The following SEPTIN14 variants were observed in gnomAD, a reference collection of about 807,000 sequenced individuals.
The protein encoded by SEPTIN14 is septin-14.
A neutral mutation model predicts 53.6 loss-of-function variants in SEPTIN14; 40 were observed. The observed-to-expected ratio is 0.75, with a 90% CI of 0.58 to 0.97. The LOEUF is 0.97. Ranked by LOEUF, SEPTIN14 falls within the 50% of genes least tolerant of loss-of-function variation. The probability of loss-of-function intolerance (pLI) is 0.00; values close to 1 mark genes in which losing one functional copy is unlikely to be tolerated. For synonymous variants in SEPTIN14, 138 were observed against 166.8 expected, an observed-to-expected ratio of 0.83 and a Z score of 1.33; for missense variants, 471 against 508.2, an observed-to-expected ratio of 0.93 and a Z score of 0.70.
At chr7:55,807,457 A>G (rs1385853108) in intron 7 of SEPTIN14, among the ~76,000 whole-genome samples, 199 bp from the exon 8 acceptor site, 1 of 152,224 alleles carries the variant, frequency 6.6e-6, no homozygotes, top group East Asian at 1.9e-4. Flanking sequence ...GATTATTTAT[A>G]GGTTAGCAAA....
chr7:55,811,430 C>T (rs1364056415), intron 7 of SEPTIN14: 5 of 412,020 alleles, frequency 1.2e-5, no homozygotes, highest in Non-Finnish European at 2.4e-5. Context: ...GTGGAGGCTG[C>T]AGGGAGCGAT....
chr7:55,843,693 G>A (rs1193274636), intron 4 of SEPTIN14, among the ~76,000 whole-genome samples: 1 of 152,192 alleles, frequency 6.6e-6, no homozygotes, highest in African/African-American at 2.4e-5. Context: ...TTATCTGGGT[G>A]TGGTGGCAGG....
At chr7:55,848,448 C>T (rs965897355) in intron 2 of SEPTIN14, among the ~76,000 whole-genome samples, 8 of 151,850 alleles carry the variant, frequency 5.3e-5, no homozygotes, top group Non-Finnish European at 1.0e-4. Context: ...AGGTGTGATC[C>T]ACTGCACCTG....
At chr7:55,842,887 G>A (rs1358216110) in intron 5 of SEPTIN14, 55 bp downstream of exon 5, 35 of 1,201,928 alleles carry the variant, frequency 2.9e-5, no homozygotes, top group Non-Finnish European at 3.7e-5. Flanking sequence ...CAGCCTGGGC[G>A]ACAGAGGGAG....
intron 2 of SEPTIN14, among the ~76,000 whole-genome samples, chr7:55,848,385 C>T (rs954691004): frequency 2.6e-5 from 4 of 152,122 alleles, no homozygotes; most frequent in Admixed American, 2.6e-4. Flanking sequence ...TGGTCTCGAA[C>T]TCCTGACCTC....
At chr7:55,824,415 G>T (rs796468069) in intron 6 of SEPTIN14, among the ~76,000 whole-genome samples, 4 of 152,200 alleles carry the variant, frequency 2.6e-5, no homozygotes, top group African/African-American at 9.6e-5. Flanking sequence ...TCAGGGAATT[G>T]CAAATTAAAA....
intron 2 of SEPTIN14, among the ~76,000 whole-genome samples, chr7:55,855,526 A>G (rs768471817): frequency 1.4e-4 from 21 of 152,118 alleles, no homozygotes; most frequent in Non-Finnish European, 2.5e-4. Flanking sequence ...TGAGCCATAA[A>G]GAGGAATCAT....
chr7:55,861,200 A>G (rs1431756091), intron 2 of SEPTIN14, among the ~76,000 whole-genome samples: 1 of 152,238 alleles, frequency 6.6e-6, no homozygotes, highest in East Asian at 1.9e-4. Flanking sequence ...ATGGTTATTC[A>G]TGAAAAGCAA....
At chr7:55,829,560 T>C (rs1049624650) in intron 6 of SEPTIN14, among the ~76,000 whole-genome samples, 3 of 151,960 alleles carry the variant, frequency 2.0e-5, no homozygotes, top group Admixed American at 1.3e-4. Context: ...TCTCTATGCA[T>C]ACAAACTAGA....
chr7:55,827,106 T>C lies in SEPTIN14; in HGVS notation c.720+7319A>G, dbSNP rs956477753. Among the ~76,000 whole-genome samples, 10 of 152,266 alleles carry C rather than the reference T, an allele frequency of 6.6e-5. No homozygotes were observed. The East Asian group carries it at 1.5e-3, about 24-fold the overall frequency. On this transcript the variant is annotated intron_variant, in intron 6 of 9. Coordinates refer to ENST00000388975, the MANE Select transcript of SEPTIN14 (RefSeq NM_207366.3). ...CTTATGCATGCCATCCAGAGCACCA[T>C]ATAGGGATCTGAGAATCAAGAAAAT...
At chr7:55,811,424 A>T in intron 7 of SEPTIN14, 1 of 422,140 alleles carries the variant, frequency 2.4e-6, no homozygotes, top group Non-Finnish European at 4.8e-6. Flanking sequence ...TGTTGGGTGG[A>T]GGCTGCAGGG....
rs1406825188 is a variant in SEPTIN14 at position 55,794,163 on chromosome 7, T to C, written c.*1750A>G. The C allele has an allele frequency of 3.9e-5, 6 of 152,294 alleles. No individual in the cohort carries two copies. In the East Asian group the frequency reaches 1.2e-3, roughly 29 times the overall value. 9.4% of individuals were successfully genotyped at this position (152,294 alleles called of 1,614,324 possible). On this transcript the variant is annotated 3_prime_UTR_variant, in exon 10 of 10. Coordinates refer to ENST00000388975, the MANE Select transcript of SEPTIN14 (RefSeq NM_207366.3). The stretch of plus-strand genomic sequence containing the variant: ...AATCCTTCTGTGCCCTCAAAAACCC[T>C]ATGGATTATACCATTATTACCTAAA...
At chr7:55,806,228 T>C (rs1444283113) in intron 8 of SEPTIN14, among the ~76,000 whole-genome samples, 1 of 152,074 alleles carries the variant, frequency 6.6e-6, no homozygotes, top group African/African-American at 2.4e-5. Context: ...CTTAAACTCC[T>C]GACCTCAGGT....
chr7:55,820,486 AT>A (rs1158963212), intron 6 of SEPTIN14, among the ~76,000 whole-genome samples: 1 of 152,152 alleles, frequency 6.6e-6, no homozygotes, highest in African/African-American at 2.4e-5. Flanking sequence ...CTTCACAAAG[AT>A]TTTGGCACTT....
rs185400351 is a variant in SEPTIN14 at position 55,858,765 on chromosome 7, C to T, written c.54+3178G>A. Among the ~76,000 whole-genome samples the T allele has an allele frequency of 4.7e-4, 72 of 151,686 alleles. 2 individuals are homozygous for T. Among genetic ancestry groups the T allele is most frequent in the Non-Finnish European group, 1.5e-5 (1 of 67,896 alleles). ...GTTGCAATGAGCAGAGATTGTGCCACTGCACTCCAGCCTGGGCAACAAGAG... is the reference window on the plus strand; with the variant it reads ...GTTGCAATGAGCAGAGATTGTGCCATTGCACTCCAGCCTGGGCAACAAGAG... On this transcript the variant is annotated intron_variant, in intron 2 of 9. Coordinates refer to ENST00000388975, the MANE Select transcript of SEPTIN14 (RefSeq NM_207366.3).
At chr7:55,838,745 C>T (rs975525503) in intron 5 of SEPTIN14, among the ~76,000 whole-genome samples, 4 of 151,906 alleles carry the variant, frequency 2.6e-5, no homozygotes, top group East Asian at 1.9e-4. Flanking sequence ...GATGGGGTCT[C>T]ACTACATTGC....
intron 7 of SEPTIN14, among the ~76,000 whole-genome samples, chr7:55,818,167 A>G (rs193024046): frequency 1.3e-5 from 2 of 152,170 alleles, no homozygotes; most frequent in East Asian, 3.9e-4. Flanking sequence ...CTAATATGTC[A>G]ATTTTTTAAC....
intron 7 of SEPTIN14, 43 bp downstream of exon 7, chr7:55,819,084 A>G (rs1406901997): frequency 9.3e-7 from 1 of 1,076,570 alleles, no homozygotes; most frequent in Non-Finnish European, 1.4e-6. Context: ...ATACACATAT[A>G]TTTAACTTAA....
chr7:55,855,743 G>A (rs932154968), intron 2 of SEPTIN14, among the ~76,000 whole-genome samples: 3 of 151,840 alleles, frequency 2.0e-5, no homozygotes, highest in South Asian at 4.2e-4. Flanking sequence ...TAGTAGAGAC[G>A]GAGTTTCACT....
Sources: gnomAD v4.1 joint callset for allele counts (sites outside exome capture counted in the v4.1 genomes callset) on GRCh38, gnomAD v4.1.1 for gene constraint, MANE v1.5 for transcripts, NCBI Gene and HGNC (gene_info 2026-07-23, HGNC 2026-07-21) for gene names.